The following CDHR5 variants were observed in gnomAD, a reference collection of about 807,000 sequenced individuals.
CDHR5 encodes the protein cadherin-related family member 5.
In CDHR5, 82 loss-of-function variants were observed where a neutral mutation model predicts 69.5. That is an observed-to-expected ratio of 1.18 (90% CI 0.99 to 1.42). The LOEUF is 1.42. CDHR5 is among the 40% of genes most tolerant of loss of function. The pLI, the probability that CDHR5 is intolerant of heterozygous loss-of-function variation, is 0.00. For synonymous variants in CDHR5, 601 were observed against 510.2 expected (o/e 1.18, Z -2.40); for missense variants, 1,293 against 1,168.9 (o/e 1.11, Z -1.55).
At position 621,622 on chromosome 11, in the gene CDHR5, C is replaced by G. The variant is rs1857401206; in HGVS notation, c.447G>C (p.Leu149=). 6.2e-7 allele frequency: 1 copy of G among 1,613,672 alleles called. No individual in the cohort carries two copies. Among genetic ancestry groups the G allele is most frequent in the Admixed American group, 1.7e-5 (1 of 59,984 alleles). The change falls in exon 5 of 15, where the codon CTG becomes CTC. Residue 149 remains leucine (L), a synonymous_variant. Coordinates refer to ENST00000397542, the MANE Select transcript of CDHR5 (RefSeq NM_021924.5). This position sits in a 1 kb window ranked among gnomAD's most constrained non-coding sequence, Gnocchi z 4.4. ...VNSTVIPETQ[L]QAEDRDKDDI... is the part of the protein sequence containing the mutation. ...CGTCCTTGTCGCGGTCCTCAGCCTG[C>G]AGTTGCGTCTCGGGGATGACGGTGG... is the stretch of plus-strand genomic sequence containing the variant.
Position 624,365 on chromosome 11 carries a change from C to T in CDHR5, c.262-102G>A, listed in dbSNP as rs1303829132. ...GCCCAGGGTCCCCATCATCAGTGGT[C>T]AGTGCTGAGGGTGTGGGCCCAGGCA... On this transcript the variant is annotated intron_variant, in intron 2 of 14. Transcript: ENST00000397542. This position sits in a 1 kb window ranked among gnomAD's most constrained non-coding sequence, Gnocchi z 5.3. The T allele has an allele frequency of 4.1e-6, 3 of 738,146 alleles. No individual in the cohort carries two copies. Among genetic ancestry groups the T allele is most frequent in the Non-Finnish European group, 7.5e-6 (3 of 402,582 alleles). 45.7% of individuals were successfully genotyped at this position (738,146 alleles called of 1,614,324 possible). A position where few individuals can be genotyped will look rare whatever the true frequency, so the allele number is the denominator to read the frequency against.
At chr11:623,257 C>T (rs1029047762) in intron 3 of CDHR5, among the ~76,000 whole-genome samples, 4 of 152,056 alleles carry the variant, frequency 2.6e-5, no homozygotes, top group Non-Finnish European at 5.9e-5. Context: ...TGCAGTGAGC[C>T]GAGATCGCTC....
Position 621,931 on chromosome 11 carries a change from C to T in CDHR5, c.313-27G>A. The T allele has an allele frequency of 6.4e-7, 1 of 1,574,362 alleles. No individual in the cohort carries two copies. The highest frequency in any genetic ancestry group is 1.1e-5 in the South Asian group (1 of 89,138). On this transcript the variant is annotated intron_variant, in intron 3 of 14. Transcript: ENST00000397542. The surrounding 1 kb of genome is among the most constrained non-coding windows in gnomAD (Gnocchi z 4.4). ...TGCAGGATGTGGCCGTCAGCCTCTC[C>T]CACAGCCCCTCCCCGTTGTGAGGTG...
rs374893200 is a variant in CDHR5 at position 621,773 on chromosome 11, C to T, written c.405+39G>A. 9 of 1,582,270 alleles carry T rather than the reference C, an allele frequency of 5.7e-6. No homozygotes were observed. The highest frequency in any genetic ancestry group is 1.7e-4 in the Middle Eastern group (1 of 5,978). On this transcript the variant is annotated intron_variant, in intron 4 of 14. Coordinates refer to ENST00000397542, the MANE Select transcript of CDHR5 (RefSeq NM_021924.5). The surrounding 1 kb of genome is among the most constrained non-coding windows in gnomAD (Gnocchi z 4.4). ...CTCCTGCCCTCACCCTGGGCTCCCA[C>T]ACCCCCGTGCCCAGTCCCCGCGGCT... is the stretch of plus-strand genomic sequence containing the variant.
chr11:618,546 C>T, intron 13 of CDHR5, 53 bp downstream of exon 13: 1 of 1,599,938 alleles, frequency 6.3e-7, no homozygotes. Context: ...CAGCGTTTCC[C>T]ATACCAGCCA....
chr11:617,722 TG>T lies in CDHR5; in HGVS notation c.2166del (p.His722GlnfsTer53). 2 of 1,460,924 alleles carry T rather than the reference TG, an allele frequency of 1.4e-6. No individual in the cohort carries two copies. Among genetic ancestry groups the T allele is most frequent in the Non-Finnish European group, 1.8e-6 (2 of 1,114,874 alleles). 90.5% of individuals were successfully genotyped at this position (1,460,924 alleles called of 1,614,324 possible). ...GFDNQAFLPDHKANWAPVPSP... is the reference protein window; with the variant it reads ...GFDNQAFLPDXKANWAPVPSP... Reference sequence around the variant, plus strand: ...CTGGGGACGGGCGCCCAGTTGGCCTTGTGGTCAGGGAGGAACGCCTGGTTGT... The same window carrying T: ...CTGGGGACGGGCGCCCAGTTGGCCTTTGGTCAGGGAGGAACGCCTGGTTGT... On this transcript the variant is annotated frameshift_variant, in exon 15 of 15. Transcript: ENST00000397542. LOFTEE classifies it low-confidence loss of function (END_TRUNC).
In CDHR5 at chr11:619,051, T is replaced by A; in HGVS notation, c.1508A>T (p.His503Leu). 2 of 1,612,972 alleles carry A rather than the reference T, an allele frequency of 1.2e-6. No individual in the cohort carries two copies. Among genetic ancestry groups the A allele is most frequent in the Non-Finnish European group, 1.7e-6 (2 of 1,179,726 alleles). The part of the protein sequence containing the change: ...TTSSGGGTGP[H>L]PPSGTTLRPP... ...CCTCAGAGTTGTGCCAGAGGGTGGA[T>A]GAGGGCCTGTGCCTCCCCCAGAGCT... Residue 503 changes from histidine to leucine, a missense_variant, in exon 13 of 15, where the codon CAT becomes CTT. Transcript: ENST00000397542.
chr11:617,225 C>T lies in CDHR5; in HGVS notation c.*126G>A, dbSNP rs1856962622. ...ACTGAGTGAATGGGACCCCCATGGA[C>T]CCGCGCGCCTGCCCCACGCCATGGC... is the stretch of plus-strand genomic sequence containing the variant. On this transcript the variant is annotated 3_prime_UTR_variant, in exon 15 of 15. Transcript: ENST00000397542. 5 of 714,216 alleles carry T rather than the reference C, an allele frequency of 7.0e-6. No individual in the cohort carries two copies. Among genetic ancestry groups the T allele is most frequent in the Non-Finnish European group, 9.5e-6 (4 of 423,198 alleles). 44.2% of individuals were successfully genotyped at this position (714,216 alleles called of 1,614,324 possible). A position where few individuals can be genotyped will look rare whatever the true frequency, so the allele number is the denominator to read the frequency against.
rs1856953758 is a variant in CDHR5, at chr11:617,138, A to C, written c.*213T>G. 7 of 578,528 alleles carry C rather than the reference A, an allele frequency of 1.2e-5. No individual in the cohort carries two copies. Among genetic ancestry groups the C allele is most frequent in the East Asian group, 2.9e-5 (1 of 34,554 alleles). The allele number at this position is 578,528 out of a possible 1,614,324, so 35.8% of individuals were successfully genotyped here. On this transcript the variant is annotated 3_prime_UTR_variant, in exon 15 of 15. Coordinates refer to ENST00000397542, the MANE Select transcript of CDHR5 (RefSeq NM_021924.5). ...AGTGCTGCAGCCTTGGGGTGGGGACAGCGTGGCCAGACCCACCGCCTCATC... is the reference window on the plus strand; with the variant it reads ...AGTGCTGCAGCCTTGGGGTGGGGACCGCGTGGCCAGACCCACCGCCTCATC...
At position 621,185 on chromosome 11, in the gene CDHR5, C is replaced by T. The variant is rs567508353; in HGVS notation, c.684G>A (p.Val228=). ...TATATLVLNV[V]PADLRPPWFL... is the part of the protein sequence containing the mutation. ...ACCACGGGGGCCGCAGGTCGGCGGG[C>T]ACCACGTTCAGCACTAGTGTGGCGG... Residue 228 remains valine, a synonymous_variant, in exon 7 of 15, where the codon GTG becomes GTA. Transcript: ENST00000397542. This position sits in a 1 kb window ranked among gnomAD's most constrained non-coding sequence, Gnocchi z 4.4. The T allele has an allele frequency of 8.1e-6, 13 of 1,605,598 alleles. No individual in the cohort carries two copies. In the Admixed American group the frequency reaches 2.0e-4, roughly 25 times the overall value.
chr11:620,197 C>G, intron 8 of CDHR5, 33 bp from the exon 9 acceptor site: 2 of 1,598,588 alleles, frequency 1.3e-6, no homozygotes, highest in Non-Finnish European at 1.7e-6. Flanking sequence ...CAGCCCCGGC[C>G]CCCTGAGGCC....
chr11:620,552 C>G (rs999028995), intron 7 of CDHR5, among the ~76,000 whole-genome samples, 166 bp from the exon 8 acceptor site: 1 of 152,190 alleles, frequency 6.6e-6, no homozygotes, highest in African/African-American at 2.4e-5. Context: ...CCCAGCATCA[C>G]AATCAGTAAC....
chr11:620,072 C>T lies in CDHR5; in HGVS notation c.973G>A (p.Val325Met). 1 of 1,610,450 alleles carries T rather than the reference C, an allele frequency of 6.2e-7. No individual in the cohort carries two copies. The highest frequency in any genetic ancestry group is 8.5e-7 in the Non-Finnish European group (1 of 1,178,144). The change falls in exon 9 of 15, where the codon GTG (valine) becomes ATG (methionine). Residue 325 changes from valine (V) to methionine (M), a missense_variant. Val to Met is a conservative substitution (Grantham distance 21). Transcript: ENST00000397542. ...VPSPMTFLLL[V>M]KGQQADLARY... ...CATGCAGGTGCCCACCTCACCTTCA[C>T]CAGCAGAAGGAAGGTCATGGGGCTG...
chr11:619,066 C>A lies in CDHR5; in HGVS notation c.1493G>T (p.Gly498Val). Residue 498 changes from glycine to valine, a missense_variant, in exon 13 of 15, where the codon GGA becomes GTA. By Grantham distance (109) the Gly-to-Val change is moderately radical. Coordinates refer to ENST00000397542, the MANE Select transcript of CDHR5 (RefSeq NM_021924.5). Reference protein sequence around the residue: ...SQGPSTTSSGGGTGPHPPSGT... With the variant: ...SQGPSTTSSGVGTGPHPPSGT... ...AGAGGGTGGATGAGGGCCTGTGCCT[C>A]CCCCAGAGCTGGTCGTGGAGGGTCC... 6.2e-7 allele frequency: 1 copy of A among 1,612,530 alleles called. No individual in the cohort carries two copies. Among genetic ancestry groups the A allele is most frequent in the Non-Finnish European group, 8.5e-7 (1 of 1,179,632 alleles).
rs769489348 is a variant in CDHR5, at chr11:618,799, C to T, written c.1760G>A (p.Gly587Glu). The stretch of plus-strand genomic sequence containing the variant: ...GGCTGGTTGGTGGGAGGTGCTGGTT[C>T]CCATACTGGGGGGCATCGGCTGAGA... ...GTSQPMPPSM[G>E]TSTSHQPATP... is the part of the protein sequence containing the mutation. Residue 587 changes from glycine (G) to glutamate (E), a missense_variant, in exon 13 of 15, where the codon GGA (glycine) becomes GAA (glutamate). Physicochemically the swap from Gly to Glu is moderately conservative, Grantham distance 98. Coordinates refer to ENST00000397542, the MANE Select transcript of CDHR5 (RefSeq NM_021924.5). The T allele has an allele frequency of 1.7e-5, 28 of 1,602,054 alleles. No homozygotes were observed. The highest frequency in any genetic ancestry group is 2.3e-5 in the Non-Finnish European group (27 of 1,176,946).
In CDHR5 at chr11:617,346, G is replaced by C. The variant is rs1006973248; in HGVS notation, c.*5C>G. 2.7e-5 allele frequency: 43 copies of C among 1,585,348 alleles called. No homozygotes were observed. The African/African-American group carries it at 5.1e-4, about 19-fold the overall frequency. ...TGCGGCTGGGGGAGAGGGTGGAGGGGCCACTTAGATGTAGGAGTCATCACC... is the reference window on the plus strand; with the variant it reads ...TGCGGCTGGGGGAGAGGGTGGAGGGCCCACTTAGATGTAGGAGTCATCACC... On this transcript the variant is annotated 3_prime_UTR_variant, in exon 15 of 15. Transcript: ENST00000397542.
chr11:616,952 G>GGT lies in CDHR5; in HGVS notation c.*398_*399insAC. 2 of 214,600 alleles carry GGT rather than the reference G, an allele frequency of 9.3e-6. No individual in the cohort carries two copies. The highest frequency in any genetic ancestry group is 1.9e-5 in the Non-Finnish European group (2 of 106,482). 13.3% of individuals were successfully genotyped at this position (214,600 alleles called of 1,614,324 possible). On this transcript the variant is annotated 3_prime_UTR_variant, in exon 15 of 15. Transcript: ENST00000397542. ...CCCCAGGCAATCTCTGTGTAGGGTC[G>GGT]GGAGCGGGAGGTCTGAGATGAGCCG...
chr11:621,238 C>G lies in CDHR5; in HGVS notation c.631G>C (p.Glu211Gln), dbSNP rs1448468898. The G allele has an allele frequency of 2.5e-6, 4 of 1,598,572 alleles. No individual in the cohort carries two copies. The East Asian group carries it at 8.9e-5, about 36-fold the overall frequency. The change falls in exon 7 of 15, where the codon GAG (glutamate) becomes CAG (glutamine). Residue 211 changes from glutamate to glutamine, a missense_variant. Physicochemically the swap from Glu to Gln is conservative, Grantham distance 29 (BLOSUM62 2). Transcript: ENST00000397542. The surrounding 1 kb of genome is among the most constrained non-coding windows in gnomAD (Gnocchi z 4.4). ...FWLLVRDTPGENVEPSHTATA... is the reference protein window; with the variant it reads ...FWLLVRDTPGQNVEPSHTATA... Reference sequence around the variant, plus strand: ...GCAGTGTGGCTGGGTTCCACATTCTCCCCCGGAGTGTCCTGCAACAGACGG... The same window carrying G: ...GCAGTGTGGCTGGGTTCCACATTCTGCCCCGGAGTGTCCTGCAACAGACGG...
chr11:620,472 G>T, intron 7 of CDHR5, 86 bp from the exon 8 acceptor site: 1 of 968,930 alleles, frequency 1.0e-6, no homozygotes, highest in Non-Finnish European at 1.6e-6. Flanking sequence ...ATCAAGGGCA[G>T]GGTTGGCTGA....
Sources: gnomAD v4.1 joint callset for allele counts (sites outside exome capture counted in the v4.1 genomes callset) on GRCh38, gnomAD v4.1.1 for gene constraint, Gnocchi (gnomAD v3.1) non-coding constraint, MANE v1.5 for transcripts, NCBI Gene and HGNC (gene_info 2026-07-23, HGNC 2026-07-21) for gene names.